Variants in NUP93 observed in about 807,000 individuals in gnomAD.
NUP93 encodes the protein nuclear pore complex protein Nup93.
Under a neutral mutation model 107.8 loss-of-function variants are expected in NUP93, and 55 were observed. The observed-to-expected ratio is 0.51, with a 90% CI of 0.41 to 0.64. The LOEUF is 0.64. NUP93 is among the 30% of genes least tolerant of loss of function. The pLI is 0.00. For missense variants in NUP93, 937 were observed against 1,044.7 expected (o/e 0.90, Z 1.42); for synonymous variants, 390 against 397.5 (o/e 0.98, Z 0.22).
chr16:56,815,941 C>G (rs1963422432), intron 5 of NUP93, among the ~76,000 whole-genome samples: 2 of 151,704 alleles, frequency 1.3e-5, no homozygotes, highest in African/African-American at 4.8e-5. Context: ...ACCACTACTA[C>G]TACTACTACC....
At chr16:56,831,740 G>A in intron 10 of NUP93, 102 bp from the exon 11 acceptor site, 1 of 1,203,180 alleles carries the variant, frequency 8.3e-7, no homozygotes, top group East Asian at 2.4e-5. Context: ...GATGAAGGAA[G>A]GCTTCCCTGC....
chr16:56,781,745 GCCTACATGTTGTCTCTCCC>G (rs1962518534), intron 3 of NUP93: 3 of 780,982 alleles, frequency 3.8e-6, no homozygotes, highest in Non-Finnish European at 4.7e-6. Context: ...AGCATTCCTT[GCCTACATGTTGTCTCTCCC>G]CCTCTTAAAT....
chr16:56,788,829 C>G (rs1230476667), intron 3 of NUP93, among the ~76,000 whole-genome samples: 2 of 152,202 alleles, frequency 1.3e-5, no homozygotes, highest in Non-Finnish European at 2.9e-5. Context: ...ATTGTGTTGA[C>G]AAGGGAGATG....
chr16:56,842,805 G>T (rs116756784), intron 21 of NUP93: 19 of 328,642 alleles, frequency 5.8e-5, no homozygotes, highest in Admixed American at 1.2e-4. Flanking sequence ...CCCCAACCTC[G>T]GCCTCCCAAA....
At chr16:56,805,439 G>T in intron 4 of NUP93, 65 bp from the exon 5 acceptor site, 1 of 1,579,584 alleles carries the variant, frequency 6.3e-7, no homozygotes, top group Admixed American at 1.7e-5. Context: ...GTTTCTGTTG[G>T]GTCTTAAACC....
chr16:56,804,113 A>G (rs1328635507), intron 4 of NUP93, among the ~76,000 whole-genome samples: 1 of 152,208 alleles, frequency 6.6e-6, no homozygotes, highest in Non-Finnish European at 1.5e-5. Flanking sequence ...TGTGCACTGC[A>G]GGTAGAAATG....
chr16:56,812,594 C>T (rs1334378459), intron 5 of NUP93, among the ~76,000 whole-genome samples: 16 of 152,100 alleles, frequency 1.1e-4, no homozygotes, highest in Admixed American at 9.2e-4. Context: ...CTGCCCGCCT[C>T]GGCCTCCCAA....
At chr16:56,765,812 CCAT>C (rs1465288649) in intron 3 of NUP93, among the ~76,000 whole-genome samples, 1 of 152,150 alleles carries the variant, frequency 6.6e-6, no homozygotes, top group Non-Finnish European at 1.5e-5. Context: ...GGCTAATGTG[CCAT>C]CCTGTTTCAT....
chr16:56,768,973 T>C (rs1208733873), intron 3 of NUP93, among the ~76,000 whole-genome samples: 1 of 152,164 alleles, frequency 6.6e-6, no homozygotes, highest in Non-Finnish European at 1.5e-5. Context: ...AAGCACTTCC[T>C]AGGCTTGCTC....
intron 7 of NUP93, 72 bp downstream of exon 7, chr16:56,821,665 G>C (rs999896321): frequency 4.3e-5 from 40 of 935,544 alleles, no homozygotes; most frequent in Non-Finnish European, 6.2e-5. Context: ...TTGCCGATTT[G>C]GTTGAAATGT....
In NUP93 at chr16:56,833,206, C is replaced by T; in HGVS notation, c.1346-9C>T. ...TTGGTTTTATCTCCTCTCCTCTCCT[C>T]TCTCCCAGGCGAGTCCCACTTTACG... On this transcript the variant is annotated splice_polypyrimidine_tract_variant and intron_variant, in intron 12 of 21. Transcript: ENST00000308159. 1 of 1,593,510 alleles carries T rather than the reference C, an allele frequency of 6.3e-7. No individual in the cohort carries two copies. The highest frequency in any genetic ancestry group is 8.5e-7 in the Non-Finnish European group (1 of 1,173,094).
intron 1 of NUP93, among the ~76,000 whole-genome samples, chr16:56,737,243 C>G (rs1267268050): frequency 6.6e-6 from 1 of 152,192 alleles, no homozygotes; most frequent in Non-Finnish European, 1.5e-5. Context: ...GGTGAGGGCC[C>G]TCTTCCTCGC....
intron 3 of NUP93, among the ~76,000 whole-genome samples, chr16:56,767,147 C>G (rs891861003): frequency 9.2e-5 from 14 of 152,228 alleles, no homozygotes; most frequent in African/African-American, 3.4e-4. Context: ...ATCACAAGAT[C>G]AGCAGTGGTG....
At position 56,837,743 on chromosome 16, in the gene NUP93, C is replaced by T. The variant is rs758157126; in HGVS notation, c.2018+17C>T. The T allele has an allele frequency of 6.3e-7, 1 of 1,599,142 alleles. No homozygotes were observed. The highest frequency in any genetic ancestry group is 1.1e-5 in the South Asian group (1 of 90,466). On this transcript the variant is annotated intron_variant, in intron 18 of 21. Coordinates refer to ENST00000308159, the MANE Select transcript of NUP93 (RefSeq NM_014669.5). ...TGCCGAACGGTAAGCCAGGAGCTGG[C>T]TCCATGGGACCCTGAGGGTGCCACT...
intron 1 of NUP93, among the ~76,000 whole-genome samples, chr16:56,743,679 T>C (rs1192841367): frequency 1.3e-5 from 2 of 152,208 alleles, no homozygotes; most frequent in African/African-American, 2.4e-5. Context: ...GTGAGCATAC[T>C]ATCAACCAAC....
At chr16:56,823,900 G>C (rs1963603631) in intron 8 of NUP93, 54 bp downstream of exon 8, 3 of 1,591,458 alleles carry the variant, frequency 1.9e-6, no homozygotes, top group Non-Finnish European at 2.6e-6. Context: ...GCAGTCAACT[G>C]TTTCTCAGAT....
chr16:56,758,490 C>T (rs1258794231), intron 2 of NUP93, 48 bp from the exon 3 acceptor site: 4 of 1,389,562 alleles, frequency 2.9e-6, no homozygotes, highest in African/African-American at 1.4e-5. Context: ...TAATCCTAAT[C>T]CTAATTTTCC....
At chr16:56,841,538 A>G (rs566545645) in intron 20 of NUP93, 167 bp from the exon 21 acceptor site, 3 of 740,014 alleles carry the variant, frequency 4.1e-6, no homozygotes, top group Non-Finnish European at 6.6e-6. Flanking sequence ...CTCACACTTG[A>G]TGTTTCAGTG....
intron 1 of NUP93, among the ~76,000 whole-genome samples, chr16:56,745,744 T>C (rs540976974): frequency 2.0e-5 from 3 of 152,226 alleles, no homozygotes; most frequent in Non-Finnish European, 4.4e-5. Flanking sequence ...GATGAAAAGT[T>C]AGAGCCCAGT....
Sources: allele counts gnomAD v4.1 joint callset (sites outside exome capture counted in the v4.1 genomes callset), GRCh38; gene constraint gnomAD v4.1.1; transcripts MANE v1.5; gene names NCBI Gene and HGNC (gene_info 2026-07-23, HGNC 2026-07-21).